The following MTHFD1 variants were observed in gnomAD, a reference collection of about 807,000 sequenced individuals.
MTHFD1 encodes methylenetetrahydrofolate dehydrogenase, cyclohydrolase and formyltetrahydrofolate synthetase 1, also known as C-1-tetrahydrofolate synthase, cytoplasmic.
A neutral mutation model predicts 110.3 loss-of-function variants in MTHFD1; 44 were observed. That is an observed-to-expected ratio of 0.40 (90% confidence interval 0.31 to 0.51). The LOEUF is 0.51. Ranked by LOEUF, MTHFD1 falls within the 20% of genes least tolerant of loss-of-function variation. The pLI, the probability that MTHFD1 is intolerant of heterozygous loss-of-function variation, is 0.60. For missense variants in MTHFD1, 909 were observed against 1,173.1 expected (o/e 0.77, Z 3.29); for synonymous variants, 402 against 428.8 (o/e 0.94, Z 0.77).
intron 8 of MTHFD1, 86 bp downstream of exon 8, chr14:64,420,011 C>G: frequency 1.1e-6 from 1 of 948,774 alleles, no homozygotes; most frequent in Non-Finnish European, 1.7e-6. Context: ...AGAAGCTTGT[C>G]TCATTTTATG....
intron 2 of MTHFD1, among the ~76,000 whole-genome samples, chr14:64,406,359 A>G (rs2077935726): frequency 6.6e-6 from 1 of 152,034 alleles, no homozygotes; most frequent in Admixed American, 6.6e-5. Context: ...ATTTTTAATA[A>G]TATTTTGCAT....
At chr14:64,400,140 G>A (rs2077884934) in intron 1 of MTHFD1, among the ~76,000 whole-genome samples, 1 of 151,818 alleles carries the variant, frequency 6.6e-6, no homozygotes, top group Admixed American at 6.6e-5. Context: ...TGTAATCCCA[G>A]CACTTTGGGA....
At chr14:64,457,492 GT>G (rs1428063783) in intron 26 of MTHFD1, among the ~76,000 whole-genome samples, 1 of 146,622 alleles carries the variant, frequency 6.8e-6, no homozygotes, top group African/African-American at 2.5e-5. Flanking sequence ...GTCTTGCTCT[GT>G]CACCCAGGCT....
At chr14:64,406,442 C>T (rs771634310) in intron 2 of MTHFD1, among the ~76,000 whole-genome samples, 6 of 149,286 alleles carry the variant, frequency 4.0e-5, no homozygotes, top group Non-Finnish European at 5.9e-5. Context: ...CTACTTTTGG[C>T]GTTGTCAGTG....
At chr14:64,431,422 G>T in intron 13 of MTHFD1, 110 bp from the exon 14 acceptor site, 1 of 885,644 alleles carries the variant, frequency 1.1e-6, no homozygotes. Context: ...TAACTGGGCT[G>T]CCTTCAGTAT....
Position 64,441,471 on chromosome 14 carries a change from T to G in MTHFD1, c.1884+18T>G. The stretch of plus-strand genomic sequence containing the variant: ...CACTGGAGGTGAGCAGAGTGACTCC[T>G]GCCTTCTTGAATTGGTTTTGGACAG... On this transcript the variant is annotated intron_variant, in intron 19 of 27. Coordinates refer to ENST00000652337, the MANE Select transcript of MTHFD1 (RefSeq NM_005956.4). 4.3e-6 allele frequency: 7 copies of G among 1,613,256 alleles called. No homozygotes were observed. The highest frequency in any genetic ancestry group is 5.9e-6 in the Non-Finnish European group (7 of 1,179,294).
chr14:64,427,330 C>G lies in MTHFD1; in HGVS notation c.1128-7C>G. On this transcript the variant is annotated splice_polypyrimidine_tract_variant and splice_region_variant and intron_variant, in intron 11 of 27. Transcript: ENST00000652337. ...AAACCTTTTTCTCTTTTGCTTTCGT[C>G]TTGAAGAATAACTCCAACACCCCTG... 6.2e-7 allele frequency: 1 copy of G among 1,614,144 alleles called. No individual in the cohort carries two copies. Among genetic ancestry groups the G allele is most frequent in the South Asian group, 1.1e-5 (1 of 91,082 alleles).
chr14:64,390,810 G>T (rs1028656835), intron 1 of MTHFD1, among the ~76,000 whole-genome samples: 1 of 152,070 alleles, frequency 6.6e-6, no homozygotes, highest in African/African-American at 2.4e-5. Context: ...CACCCCGTCC[G>T]GCTAATTTTT....
At chr14:64,389,677 C>T (rs2077789344) in intron 1 of MTHFD1, among the ~76,000 whole-genome samples, 1 of 151,268 alleles carries the variant, frequency 6.6e-6, no homozygotes. Flanking sequence ...CATTGCACTC[C>T]AGCCTGGGCA....
At chr14:64,444,358 C>T (rs2078273216) in intron 21 of MTHFD1, among the ~76,000 whole-genome samples, 1 of 152,014 alleles carries the variant, frequency 6.6e-6, no homozygotes, top group African/African-American at 2.4e-5. Context: ...TCTTTCCCCA[C>T]ACTCCCCTTG....
At chr14:64,441,633 C>A in intron 19 of MTHFD1, 180 bp downstream of exon 19, 2 of 618,770 alleles carry the variant, frequency 3.2e-6, no homozygotes, top group South Asian at 3.3e-5. Context: ...GGTGAAACCC[C>A]GTCTCTACTA....
chr14:64,390,710 A>G (rs966820179), intron 1 of MTHFD1, among the ~76,000 whole-genome samples: 4 of 149,744 alleles, frequency 2.7e-5, no homozygotes, highest in Admixed American at 6.6e-5. Flanking sequence ...GTGCAATGGC[A>G]TGATCTTGGC....
chr14:64,392,227 G>C (rs570041703), intron 1 of MTHFD1, among the ~76,000 whole-genome samples: 1 of 152,206 alleles, frequency 6.6e-6, no homozygotes, highest in Non-Finnish European at 1.5e-5. Flanking sequence ...CAATGGCCCT[G>C]TGAGAAGCTG....
intron 8 of MTHFD1, among the ~76,000 whole-genome samples, chr14:64,421,540 A>G (rs2078070703): frequency 6.6e-6 from 1 of 152,242 alleles, no homozygotes; most frequent in African/African-American, 2.4e-5. Context: ...CAGGCGATAA[A>G]GAAATTGCTC....
chr14:64,396,558 ATTT>A (rs71123843), intron 1 of MTHFD1, among the ~76,000 whole-genome samples: 3 of 126,794 alleles, frequency 2.4e-5, no homozygotes, highest in Admixed American at 1.6e-4. Context: ...CTCCCAGTTA[ATTT>A]TTTTTTTTTT....
rs2295637 is a variant in MTHFD1 at position 64,444,596 on chromosome 14, G to A, written c.2137-97G>A. On this transcript the variant is annotated intron_variant, in intron 21 of 27. Coordinates refer to ENST00000652337, the MANE Select transcript of MTHFD1 (RefSeq NM_005956.4). ...TCTTATACTACTGTACAGCCTGCAA[G>A]CATTGCAGCGTCTTGCCTTTAACAC... 1.1e-4 allele frequency: 146 copies of A among 1,325,322 alleles called. No homozygotes were observed. The East Asian group carries it at 2.7e-3, about 24-fold the overall frequency. The allele number at this position is 1,325,322 out of a possible 1,614,324, so 82.1% of individuals were successfully genotyped here. A position where few individuals can be genotyped will look rare whatever the true frequency, so the allele number is the denominator to read the frequency against.
chr14:64,448,617 A>G, intron 23 of MTHFD1: 1 of 411,240 alleles, frequency 2.4e-6, no homozygotes. Context: ...ATGCTAACAG[A>G]AGGTCATAGG....
In MTHFD1 at chr14:64,411,164, G is replaced by C; in HGVS notation, c.186+15G>C. ...CTGCTGAAGAGGTAACGCCAGAAGA[G>C]CTGTGCCATCACCCTCCCCAACCTC... is the stretch of plus-strand genomic sequence containing the variant. On this transcript the variant is annotated intron_variant, in intron 3 of 27. Coordinates refer to ENST00000652337, the MANE Select transcript of MTHFD1 (RefSeq NM_005956.4). The C allele has an allele frequency of 6.2e-7, 1 of 1,608,086 alleles. No individual in the cohort carries two copies.
chr14:64,415,792 T>C (rs2078021460), intron 6 of MTHFD1, 53 bp downstream of exon 6: 1 of 1,569,380 alleles, frequency 6.4e-7, no homozygotes, highest in African/African-American at 1.4e-5. Flanking sequence ...AATCCTGGTC[T>C]TGACATGTGG....
Sources: allele counts gnomAD v4.1 joint callset (sites outside exome capture counted in the v4.1 genomes callset), GRCh38; gene constraint gnomAD v4.1.1; transcripts MANE v1.5; gene names NCBI Gene and HGNC (gene_info 2026-07-23, HGNC 2026-07-21).